MAGI1: variants seen among roughly 807,000 people sequenced by gnomAD.
The protein encoded by MAGI1 is membrane associated guanylate kinase, WW and PDZ domain containing 1, also known as membrane-associated guanylate kinase, WW and PDZ domain-containing protein 1.
MAGI1 carries 58 observed loss-of-function variants against 139.9 expected under a neutral mutation model. The ratio of observed to expected loss-of-function variants is 0.41; its 90% confidence interval spans 0.34 to 0.52. The LOEUF is 0.52. MAGI1 is among the 20% of genes least tolerant of loss of function. The probability of loss-of-function intolerance (pLI) is 0.12; values close to 1 mark genes in which losing one functional copy is unlikely to be tolerated. For synonymous variants in MAGI1, 812 were observed against 737.9 expected (o/e 1.10, Z -1.63); for missense variants, 1,874 against 1,901.6 (o/e 0.99, Z 0.27).
At chr3:65,776,619 C>A (rs2038456607) in intron 1 of MAGI1, among the ~76,000 whole-genome samples, 1 of 152,076 alleles carries the variant, frequency 6.6e-6, no homozygotes, top group Admixed American at 6.5e-5. Context: ...GGTAGACATA[C>A]CACTACAATA....
intron 1 of MAGI1, among the ~76,000 whole-genome samples, chr3:66,023,905 A>G (rs1416620749): frequency 1.3e-5 from 2 of 152,208 alleles, no homozygotes; most frequent in East Asian, 3.9e-4. Flanking sequence ...GCCCTGGGAC[A>G]AAATATTCCA....
chr3:65,517,839 A>T (rs1347606315), intron 2 of MAGI1, among the ~76,000 whole-genome samples: 3 of 152,134 alleles, frequency 2.0e-5, no homozygotes, highest in Non-Finnish European at 4.4e-5. Context: ...GTGTGACCTC[A>T]GAGCTCTCTT....
chr3:65,453,375 GAAAAA>G, intron 5 of MAGI1, 35 bp from the exon 6 acceptor site: 9 of 838,352 alleles, frequency 1.1e-5, no homozygotes, highest in East Asian at 2.9e-5. Flanking sequence ...AAATTTGTTT[GAAAAA>G]AAAAAAAAAA....
chr3:65,458,230 T>C (rs1328851501), intron 5 of MAGI1, among the ~76,000 whole-genome samples: 1 of 152,186 alleles, frequency 6.6e-6, no homozygotes, highest in Non-Finnish European at 1.5e-5. Flanking sequence ...TTCCAAATCA[T>C]GACTATGGCG....
intron 1 of MAGI1, among the ~76,000 whole-genome samples, chr3:65,648,182 T>C (rs2085374282): frequency 6.6e-6 from 1 of 151,896 alleles, no homozygotes; most frequent in African/African-American, 2.4e-5. Context: ...TGAAACACTG[T>C]CACCTAGGCT....
chr3:65,895,910 C>G (rs1194983954), intron 1 of MAGI1, among the ~76,000 whole-genome samples: 1 of 152,174 alleles, frequency 6.6e-6, no homozygotes, highest in Non-Finnish European at 1.5e-5. Context: ...CATTCCTTAG[C>G]TGCCTACAAG....
chr3:65,827,969 T>C (rs1178570738), intron 1 of MAGI1, among the ~76,000 whole-genome samples: 1 of 152,216 alleles, frequency 6.6e-6, no homozygotes, highest in Non-Finnish European at 1.5e-5. Flanking sequence ...AAAGATTCCC[T>C]GAACATTTCC....
chr3:65,903,330 T>C (rs2061314425), intron 1 of MAGI1, among the ~76,000 whole-genome samples: 1 of 152,104 alleles, frequency 6.6e-6, no homozygotes, highest in Non-Finnish European at 1.5e-5. Context: ...AGTGGAAGCT[T>C]GGACTAGGAG....
At chr3:65,808,708 C>T (rs1302318995) in intron 1 of MAGI1, among the ~76,000 whole-genome samples, 1 of 152,182 alleles carries the variant, frequency 6.6e-6, no homozygotes, top group Non-Finnish European at 1.5e-5. Context: ...AGAACTCCAA[C>T]ATCATTCTCC....
intron 1 of MAGI1, among the ~76,000 whole-genome samples, chr3:65,992,975 C>G (rs2066256945): frequency 6.6e-6 from 1 of 152,014 alleles, no homozygotes; most frequent in Admixed American, 6.6e-5. Context: ...CAGGCACACG[C>G]CATCATGCCT....
At chr3:65,376,037 A>G (rs564805298) in intron 17 of MAGI1, 92 bp from the exon 18 acceptor site, 85 of 895,708 alleles carry the variant, frequency 9.5e-5, no homozygotes, top group Non-Finnish European at 1.3e-4. Flanking sequence ...AGAGAAGGTT[A>G]AGTGTTAATA....
chr3:65,767,877 A>G (rs1336848327), intron 1 of MAGI1, among the ~76,000 whole-genome samples: 8 of 152,210 alleles, frequency 5.3e-5, no homozygotes, highest in Non-Finnish European at 1.2e-4. Flanking sequence ...AATGTAAACC[A>G]AGCCACTTTT....
chr3:65,598,748 G>T (rs2082347454), intron 2 of MAGI1, among the ~76,000 whole-genome samples: 1 of 152,120 alleles, frequency 6.6e-6, no homozygotes. Flanking sequence ...GGGGAGGCTG[G>T]CCTCTGGTGC....
intron 1 of MAGI1, chr3:65,687,744 G>A (rs2088187605): frequency 1.8e-6 from 1 of 550,230 alleles, no homozygotes; most frequent in Admixed American, 1.9e-5. Context: ...TGAGAGCACA[G>A]GATCCTTCTG....
chr3:65,960,222 T>G (rs2064356602), intron 1 of MAGI1, among the ~76,000 whole-genome samples: 1 of 152,198 alleles, frequency 6.6e-6, no homozygotes, highest in Non-Finnish European at 1.5e-5. Flanking sequence ...CAGATGAGCT[T>G]TTAGCCAGTC....
At chr3:65,493,672 A>G (rs1952217306) in intron 2 of MAGI1, 41 bp from the exon 3 acceptor site, 2 of 1,611,352 alleles carry the variant, frequency 1.2e-6, no homozygotes, top group Middle Eastern at 1.6e-4. Flanking sequence ...CCATCAATCA[A>G]CTAAAACAGG....
At chr3:65,523,914 A>G (rs555786701) in intron 2 of MAGI1, among the ~76,000 whole-genome samples, 2 of 152,302 alleles carry the variant, frequency 1.3e-5, no homozygotes, top group South Asian at 4.1e-4. Context: ...ATGATGTCCT[A>G]TTACTGCTGT....
chr3:65,430,169 G>A, intron 11 of MAGI1, 29 bp from the exon 12 acceptor site: 1 of 1,603,628 alleles, frequency 6.2e-7, no homozygotes. Flanking sequence ...TGGGGGTTAA[G>A]AAAACAGCAC....
At chr3:65,760,729 T>G (rs2036953898) in intron 1 of MAGI1, among the ~76,000 whole-genome samples, 1 of 152,070 alleles carries the variant, frequency 6.6e-6, no homozygotes, top group South Asian at 2.1e-4. Context: ...TGAGCCCAGA[T>G]GGTCAGGCCG....
Sources: gnomAD v4.1 joint callset for allele counts (sites outside exome capture counted in the v4.1 genomes callset) on GRCh38, gnomAD v4.1.1 for gene constraint, MANE v1.5 for transcripts, NCBI Gene and HGNC (gene_info 2026-07-23, HGNC 2026-07-21) for gene names.